Variants in EYA1 observed in about 807,000 individuals in gnomAD.
The protein encoded by EYA1 is protein phosphatase EYA1.
EYA1 carries 16 observed loss-of-function variants against 82.0 expected under a neutral mutation model. The ratio of observed to expected loss-of-function variants is 0.20; its 90% CI spans 0.13 to 0.30. The LOEUF is 0.30. Among genes scored for constraint, EYA1 ranks in the 10% least tolerant of loss-of-function variants. The pLI is 1.00. For missense variants in EYA1, 633 were observed against 730.7 expected (o/e 0.87, Z 1.54); for synonymous variants, 261 against 264.4 (o/e 0.99, Z 0.12).
At chr8:71,300,018 C>G (rs1282932151) in intron 7 of EYA1, among the ~76,000 whole-genome samples, 1 of 151,910 alleles carries the variant, frequency 6.6e-6, no homozygotes, top group Non-Finnish European at 1.5e-5. Flanking sequence ...CAAAACACAC[C>G]AAGATTTTTC....
At chr8:71,544,472 A>C (rs1470481101) in intron 1 of EYA1, among the ~76,000 whole-genome samples, 7 of 152,192 alleles carry the variant, frequency 4.6e-5, no homozygotes, top group South Asian at 4.1e-4. Context: ...CCAGCACCGG[A>C]AAGTTTAGTC....
rs747810842 is a variant in EYA1, at chr8:71,199,336, G to A, written c.*4C>T. The A allele has an allele frequency of 9.3e-6, 15 of 1,604,856 alleles. No individual in the cohort carries two copies. Among genetic ancestry groups the A allele is most frequent in the South Asian group, 4.4e-5 (4 of 90,390 alleles). On this transcript the variant is annotated 3_prime_UTR_variant, in exon 18 of 18. Transcript: ENST00000340726. Reference sequence around the variant, plus strand: ...GCTGTGCGCTGTCAAAGTGCCGAGCGCTGTTACAGGTACTCCAGTTCCAAG... The same window carrying A: ...GCTGTGCGCTGTCAAAGTGCCGAGCACTGTTACAGGTACTCCAGTTCCAAG...
At chr8:71,214,981 AAAAC>A (rs1490696571) in intron 16 of EYA1, among the ~76,000 whole-genome samples, 1 of 152,256 alleles carries the variant, frequency 6.6e-6, no homozygotes, top group African/African-American at 2.4e-5. Flanking sequence ...AATGAAAAAC[AAAAC>A]AAATATTTCT....
intron 9 of EYA1, among the ~76,000 whole-genome samples, chr8:71,278,001 A>G (rs183717161): frequency 3.9e-5 from 6 of 152,364 alleles, no homozygotes; most frequent in Admixed American, 3.3e-4. Flanking sequence ...TATTAAAAAG[A>G]AAAACAAAGA....
chr8:71,338,928 T>G (rs1824808381), intron 3 of EYA1, among the ~76,000 whole-genome samples: 1 of 152,150 alleles, frequency 6.6e-6, no homozygotes, highest in African/African-American at 2.4e-5. Flanking sequence ...CAATCTTCCT[T>G]TTAGTTTTGT....
At chr8:71,383,822 AAAAAG>A (rs1316564906) in intron 2 of EYA1, among the ~76,000 whole-genome samples, 112 of 152,244 alleles carry the variant, frequency 7.4e-4, no homozygotes, top group African/African-American at 2.6e-3. Context: ...TGTTCCTTGA[AAAAAG>A]AAAAGAAAAG....
At chr8:71,463,393 A>T (rs1808513120) in intron 2 of EYA1, among the ~76,000 whole-genome samples, 1 of 152,182 alleles carries the variant, frequency 6.6e-6, no homozygotes, top group South Asian at 2.1e-4. Context: ...TTTTCACTGG[A>T]CTGCTCCAAA....
chr8:71,312,621 A>G (rs1586309372), intron 7 of EYA1, among the ~76,000 whole-genome samples: 1 of 152,136 alleles, frequency 6.6e-6, no homozygotes, highest in Non-Finnish European at 1.5e-5. Context: ...TATTTTTAAT[A>G]GAGACGGGGT....
At chr8:71,322,062 G>GT in intron 5 of EYA1, 137 bp downstream of exon 5, 1 of 1,082,308 alleles carries the variant, frequency 9.2e-7, no homozygotes, top group East Asian at 2.5e-5. Flanking sequence ...AAATAAATTT[G>GT]TATCAATATG....
intron 3 of EYA1, among the ~76,000 whole-genome samples, chr8:71,346,961 G>A (rs1172462386): frequency 6.6e-6 from 1 of 152,064 alleles, no homozygotes; most frequent in Non-Finnish European, 1.5e-5. Context: ...TAGATGCTAA[G>A]GACACTAGAG....
chr8:71,296,639 A>G (rs1401863468), intron 9 of EYA1, among the ~76,000 whole-genome samples: 1 of 152,028 alleles, frequency 6.6e-6, no homozygotes, highest in Non-Finnish European at 1.5e-5. Context: ...AAGAAAAAAA[A>G]AAAGACCCGA....
At chr8:71,491,020 T>C (rs1273745578) in intron 2 of EYA1, among the ~76,000 whole-genome samples, 1 of 151,800 alleles carries the variant, frequency 6.6e-6, no homozygotes, top group African/African-American at 2.4e-5. Context: ...AATAAACCAA[T>C]GATTGGATGA....
Position 71,327,853 on chromosome 8 carries a change from C to CTTT in EYA1, c.203-5588_203-5586dup, listed in dbSNP as rs71555578. ...TAGTTAGGGCGGGAATCTTTAAGTT[C>CTTT]TTTTTTTTTTTTTTTTTTTTTGAGA... is the stretch of plus-strand genomic sequence containing the variant. On this transcript the variant is annotated intron_variant, in intron 4 of 17. Transcript: ENST00000340726. Among the ~76,000 whole-genome samples, 132 of 110,150 alleles carry CTTT rather than the reference C, an allele frequency of 1.2e-3. 2 individuals are homozygous for CTTT. Among genetic ancestry groups the CTTT allele is most frequent in the African/African-American group, 1.7e-3 (50 of 28,766 alleles). 72.3% of individuals were successfully genotyped at this position (110,150 alleles called of 152,430 possible).
At chr8:71,519,241 A>T (rs1038590238) in intron 2 of EYA1, among the ~76,000 whole-genome samples, 2 of 152,204 alleles carry the variant, frequency 1.3e-5, no homozygotes, top group Non-Finnish European at 2.9e-5. Flanking sequence ...TAAAGATCTC[A>T]TAGACTTAAA....
intron 2 of EYA1, among the ~76,000 whole-genome samples, chr8:71,398,136 C>A (rs1465377638): frequency 6.6e-6 from 1 of 152,068 alleles, no homozygotes; most frequent in Non-Finnish European, 1.5e-5. Flanking sequence ...GTTTTCAGCC[C>A]CATCAGGTCA....
chr8:71,239,150 A>C (rs538456008), intron 12 of EYA1, among the ~76,000 whole-genome samples: 90 of 152,332 alleles, frequency 5.9e-4, no homozygotes, highest in Admixed American at 2.5e-3. Flanking sequence ...AGTAATAATA[A>C]AATATGGGCA....
At chr8:71,533,959 T>C (rs939277939) in intron 2 of EYA1, among the ~76,000 whole-genome samples, 1 of 152,264 alleles carries the variant, frequency 6.6e-6, no homozygotes, top group Non-Finnish European at 1.5e-5. Flanking sequence ...CCCTCTCATA[T>C]ATCTTTTATT....
rs117826787 is a variant in EYA1, at chr8:71,204,150, A to G, written c.1699-4730T>C. The G allele has an allele frequency of 1.1e-4, 17 of 152,360 alleles. No individual in the cohort carries two copies. In the East Asian group the frequency reaches 3.3e-3, roughly 29 times the overall value. The allele number at this position is 152,360 out of a possible 1,614,324, so 9.4% of individuals were successfully genotyped here. ...AGAGAAGTAGGTATCAAGGCCTAAA[A>G]TTAGCACATGCTTTTGTGTCTCCAG... On this transcript the variant is annotated intron_variant, in intron 17 of 17. Coordinates refer to ENST00000340726, the MANE Select transcript of EYA1 (RefSeq NM_000503.6).
intron 7 of EYA1, among the ~76,000 whole-genome samples, chr8:71,310,792 C>A (rs1401423464): frequency 6.6e-6 from 1 of 151,596 alleles, no homozygotes; most frequent in East Asian, 1.9e-4. Context: ...TTTTTATGAA[C>A]CTTAATTTCT....
Sources: allele counts gnomAD v4.1 joint callset (sites outside exome capture counted in the v4.1 genomes callset), GRCh38; gene constraint gnomAD v4.1.1; transcripts MANE v1.5; gene names NCBI Gene and HGNC (gene_info 2026-07-23, HGNC 2026-07-21).